The following IGSF21 variants were observed in gnomAD, a reference collection of about 807,000 sequenced individuals.
IGSF21 encodes immunoglobulin superfamily member 21.
Under a neutral mutation model 46.8 loss-of-function variants are expected in IGSF21, and 28 were observed. The observed-to-expected ratio is 0.60, with a 90% CI of 0.44 to 0.82. The LOEUF is 0.82. Among genes scored for constraint, IGSF21 ranks in the 40% least tolerant of loss-of-function variants. The pLI is 0.00. For missense variants in IGSF21, 624 were observed against 665.5 expected, an observed-to-expected ratio of 0.94 and a Z score of 0.69; for synonymous variants, 284 against 273.6, an observed-to-expected ratio of 1.04 and a Z score of -0.38.
At chr1:18,279,119 A>T (rs1481815827) in intron 2 of IGSF21, among the ~76,000 whole-genome samples, 2 of 152,144 alleles carry the variant, frequency 1.3e-5, no homozygotes, top group Non-Finnish European at 2.9e-5. Context: ...AAGCAACTTG[A>T]TTCTTCTAAG....
chr1:18,150,777 A>G (rs1231066943), intron 1 of IGSF21, among the ~76,000 whole-genome samples: 1 of 152,192 alleles, frequency 6.6e-6, no homozygotes, highest in Non-Finnish European at 1.5e-5. Context: ...GGACTCCAGC[A>G]CTTTCACTGG....
At position 18,143,231 on chromosome 1, in the gene IGSF21, C is replaced by T. The variant is rs117611162; in HGVS notation, c.70+35033C>T. 1.2e-4 allele frequency among the ~76,000 whole-genome samples: 19 copies of T among 152,300 alleles called. No individual in the cohort carries two copies. In the East Asian group the frequency reaches 3.1e-3, roughly 25 times the overall value. On this transcript the variant is annotated intron_variant, in intron 1 of 9. Coordinates refer to ENST00000251296, the MANE Select transcript of IGSF21 (RefSeq NM_032880.5). ...CGTGATTTAATCTCATTGGGCCCTTCTGTCGGGCCTGGGCTCAGGATGCGG... is the reference window on the plus strand; with the variant it reads ...CGTGATTTAATCTCATTGGGCCCTTTTGTCGGGCCTGGGCTCAGGATGCGG...
rs1049124456 is a variant in IGSF21 at position 18,290,451 on chromosome 1, G to A, written c.184-1415G>A. ...TTCCTCTCAGGGTCCCAGAGCCTGC[G>A]AAGGCCTTCTCATGATTCTAACCAT... On this transcript the variant is annotated intron_variant, in intron 2 of 9. Coordinates refer to ENST00000251296, the MANE Select transcript of IGSF21 (RefSeq NM_032880.5). The surrounding 1 kb of genome is among the most constrained non-coding windows in gnomAD (Gnocchi z 4.2). Among the ~76,000 whole-genome samples, 7 of 152,180 alleles carry A rather than the reference G, an allele frequency of 4.6e-5. No homozygotes were observed. The highest frequency in any genetic ancestry group is 7.3e-5 in the Non-Finnish European group (5 of 68,032).
chr1:18,259,454 G>A (rs552605759), intron 2 of IGSF21, among the ~76,000 whole-genome samples: 83 of 152,124 alleles, frequency 5.5e-4, no homozygotes, highest in African/African-American at 1.8e-3. Flanking sequence ...TAACTGCAGA[G>A]GATAAAGAAG....
intron 1 of IGSF21, among the ~76,000 whole-genome samples, chr1:18,140,771 A>G (rs2005334): frequency 0.69 from 104,300 of 152,118 alleles, 36,793 homozygotes; most frequent in South Asian, 0.79. Flanking sequence ...CCTCTTCAGC[A>G]TCCACATAGG....
At chr1:18,148,623 G>T (rs1044942817) in intron 1 of IGSF21, among the ~76,000 whole-genome samples, 1 of 152,162 alleles carries the variant, frequency 6.6e-6, no homozygotes, top group African/African-American at 2.4e-5. Context: ...GCAGCAGCCA[G>T]GTCTCTTTTG....
intron 1 of IGSF21, among the ~76,000 whole-genome samples, chr1:18,211,560 T>C (rs901457087): frequency 5.9e-5 from 9 of 152,240 alleles, no homozygotes; most frequent in Admixed American, 3.9e-4. Flanking sequence ...AGGATTCCTT[T>C]ATTCTGCTTT....
chr1:18,108,268 G>A, intron 1 of IGSF21, 70 bp downstream of exon 1: 2 of 1,290,352 alleles, frequency 1.5e-6, no homozygotes, highest in African/African-American at 1.6e-5. Context: ...GGGGGAGGGC[G>A]CTGGCCGGGG....
rs2086306769 is a variant in IGSF21 at position 18,378,293 on chromosome 1, G to T, written c.1371G>T (p.Val457=). Residue 457 remains valine (V), a synonymous_variant, in exon 10 of 10, where the codon GTG becomes GTT. Coordinates refer to ENST00000251296, the MANE Select transcript of IGSF21 (RefSeq NM_032880.5). ...CCACTGGTGCCCGGCTCACCTTGGTGCTCGCCCTGACAGTGATTCTGGAGC... is the reference window on the plus strand; with the variant it reads ...CCACTGGTGCCCGGCTCACCTTGGTTCTCGCCCTGACAGTGATTCTGGAGC... ...IGPTGARLTL[V]LALTVILELT 3 of 1,614,016 alleles carry T rather than the reference G, an allele frequency of 1.9e-6. No individual in the cohort carries two copies. In the Admixed American group the frequency reaches 5.0e-5, roughly 27 times the overall value.
chr1:18,123,673 G>T (rs1858588), intron 1 of IGSF21, among the ~76,000 whole-genome samples: 11,487 of 152,154 alleles, frequency 0.075, 526 homozygotes, highest in Middle Eastern at 0.16. Flanking sequence ...ATGCATAGGA[G>T]TTTGCCAAGT....
rs573025417 is a variant in IGSF21 at position 18,375,929 on chromosome 1, C to T, written c.1016-381C>T. 19 of 211,576 alleles carry T rather than the reference C, an allele frequency of 9.0e-5. No individual in the cohort carries two copies. The South Asian group carries it at 1.1e-3, about 12-fold the overall frequency. 13.1% of individuals were successfully genotyped at this position (211,576 alleles called of 1,614,324 possible). A position where few individuals can be genotyped will look rare whatever the true frequency, so the allele number is the denominator to read the frequency against. Reference sequence around the variant, plus strand: ...GCTCCCCCTCAGCAGCCTAGTAGCACGTGCCCCAGGTACGTTTCCCTCCCT... The same window carrying T: ...GCTCCCCCTCAGCAGCCTAGTAGCATGTGCCCCAGGTACGTTTCCCTCCCT... On this transcript the variant is annotated intron_variant, in intron 6 of 9. Coordinates refer to ENST00000251296, the MANE Select transcript of IGSF21 (RefSeq NM_032880.5).
intron 3 of IGSF21, among the ~76,000 whole-genome samples, chr1:18,296,424 G>C (rs2085312906): frequency 6.6e-6 from 1 of 152,176 alleles, no homozygotes; most frequent in Admixed American, 6.5e-5. Flanking sequence ...TGCTGGGTTG[G>C]ATGAAGGGTG....
At chr1:18,194,128 C>T (rs1010208408) in intron 1 of IGSF21, among the ~76,000 whole-genome samples, 2 of 152,138 alleles carry the variant, frequency 1.3e-5, no homozygotes, top group African/African-American at 2.4e-5. Flanking sequence ...ATGTGAGAGA[C>T]GCTGGAGCAA....
chr1:18,256,806 T>C (rs1569648088), intron 2 of IGSF21, among the ~76,000 whole-genome samples: 1 of 152,282 alleles, frequency 6.6e-6, no homozygotes, highest in South Asian at 2.1e-4. Context: ...TAAAGACTTT[T>C]CCATCCGCTA....
At chr1:18,287,559 G>C (rs2085227064) in intron 2 of IGSF21, among the ~76,000 whole-genome samples, 1 of 152,122 alleles carries the variant, frequency 6.6e-6, no homozygotes, top group South Asian at 2.1e-4. Flanking sequence ...TCTCGCTCTG[G>C]GGCCAGGCAA....
At position 18,208,395 on chromosome 1, in the gene IGSF21, ATT is replaced by A. The variant is rs1553154097; in HGVS notation, c.71-19498_71-19497del. ...AGGAATAATATATATATATATATATATTTTTTGAGACGGAGTCTTGCTGTCTC... is the reference window on the plus strand; with the variant it reads ...AGGAATAATATATATATATATATATATTTTGAGACGGAGTCTTGCTGTCTC... On this transcript the variant is annotated intron_variant, in intron 1 of 9. Coordinates refer to ENST00000251296, the MANE Select transcript of IGSF21 (RefSeq NM_032880.5). Among the ~76,000 whole-genome samples, 9 of 123,770 alleles carry A rather than the reference ATT, an allele frequency of 7.3e-5. 1 individual carries two copies. Among genetic ancestry groups the A allele is most frequent in the East Asian group, 2.3e-4 (1 of 4,286 alleles). The allele number at this position is 123,770 out of a possible 152,430, so 81.2% of individuals were successfully genotyped here.
chr1:18,332,127 A>G (rs2124603971), intron 3 of IGSF21, among the ~76,000 whole-genome samples: 1 of 152,292 alleles, frequency 6.6e-6, no homozygotes, highest in Middle Eastern at 3.4e-3. Context: ...TGCTTACGTT[A>G]CTATCACCTG....
At chr1:18,113,192 T>C (rs2086157858) in intron 1 of IGSF21, 1 of 152,150 alleles carries the variant, frequency 6.6e-6, no homozygotes, top group Non-Finnish European at 1.5e-5. Context: ...TAAATGTCAG[T>C]GGTGGTAAAA....
chr1:18,262,705 C>T (rs1421617081), intron 2 of IGSF21, among the ~76,000 whole-genome samples: 2 of 152,304 alleles, frequency 1.3e-5, no homozygotes, highest in Non-Finnish European at 2.9e-5. Flanking sequence ...CTTGGATCCT[C>T]GTTGCCTTAA....
Sources: gnomAD v4.1 joint callset for allele counts (sites outside exome capture counted in the v4.1 genomes callset) on GRCh38, gnomAD v4.1.1 for gene constraint, Gnocchi (gnomAD v3.1) non-coding constraint, MANE v1.5 for transcripts, NCBI Gene and HGNC (gene_info 2026-07-23, HGNC 2026-07-21) for gene names.